Variants in CECR2 observed in about 807,000 individuals in gnomAD.
The protein encoded by CECR2 is chromatin remodeling regulator CECR2.
In CECR2, 30 loss-of-function variants were observed where a neutral mutation model predicts 154.5. The ratio of observed to expected loss-of-function variants is 0.19; its 90% confidence interval spans 0.15 to 0.26. The LOEUF (loss-of-function observed/expected upper bound fraction) is 0.26. Among genes scored for constraint, CECR2 ranks in the 10% least tolerant of loss-of-function variants. The pLI is 1.00. For synonymous variants in CECR2, 725 were observed against 683.7 expected (o/e 1.06, Z -0.94); for missense variants, 1,743 against 1,829.3 (o/e 0.95, Z 0.86).
chr22:17,482,841 T>G (rs1420710694), intron 2 of CECR2, among the ~76,000 whole-genome samples: 1 of 150,036 alleles, frequency 6.7e-6, no homozygotes, highest in Non-Finnish European at 1.5e-5. Context: ...CCACCACACC[T>G]TGCTACTTTT....
chr22:17,450,935 C>T (rs1406839491), intron 1 of CECR2, among the ~76,000 whole-genome samples: 1 of 152,240 alleles, frequency 6.6e-6, no homozygotes, highest in African/African-American at 2.4e-5. Flanking sequence ...TATTACAGTT[C>T]TCTACTCACT....
intron 1 of CECR2, among the ~76,000 whole-genome samples, chr22:17,429,809 G>A (rs192368226): frequency 5.3e-5 from 8 of 152,282 alleles, no homozygotes; most frequent in Admixed American, 3.9e-4. Flanking sequence ...GAGCTTGATT[G>A]CATGAGCCTC....
rs766735895 is a variant in CECR2, at chr22:17,469,621, C to A, written c.127-7967C>A. ...TTTTTTTTTTTTTTCCAGTAAGAAT[C>A]CAGTTCTCTTTTCTTCATTATAATC... On this transcript the variant is annotated intron_variant, in intron 1 of 18. Transcript: ENST00000262608. Among the ~76,000 whole-genome samples the A allele has an allele frequency of 6.3e-5, 9 of 143,548 alleles. 1 individual carries two copies. Among genetic ancestry groups the A allele is most frequent in the South Asian group, 2.3e-4 (1 of 4,348 alleles). The allele number at this position is 143,548 out of a possible 152,430, so 94.2% of individuals were successfully genotyped here. A position where few individuals can be genotyped will look rare whatever the true frequency, so the allele number is the denominator to read the frequency against.
chr22:17,497,283 C>T lies in CECR2; in HGVS notation c.222-120C>T, dbSNP rs574625723. 8 of 964,032 alleles carry T rather than the reference C, an allele frequency of 8.3e-6. No homozygotes were observed. In the African/African-American group the frequency reaches 9.9e-5, roughly 12 times the overall value. The allele number at this position is 964,032 out of a possible 1,614,324, so 59.7% of individuals were successfully genotyped here. Reference sequence around the variant, plus strand: ...CTAGCCTGGATGACAGAGCGAGACCCTGTCTGTATAAAAACAAAAATCTGT... The same window carrying T: ...CTAGCCTGGATGACAGAGCGAGACCTTGTCTGTATAAAAACAAAAATCTGT... On this transcript the variant is annotated intron_variant, in intron 2 of 18. Transcript: ENST00000262608.
intron 2 of CECR2, among the ~76,000 whole-genome samples, chr22:17,480,910 C>T (rs1220513340): frequency 6.7e-6 from 1 of 150,274 alleles, no homozygotes; most frequent in Non-Finnish European, 1.5e-5. Context: ...CGTGGTGGTG[C>T]ACGCCTGTAG....
chr22:17,401,420 G>C (rs920535097), intron 1 of CECR2, among the ~76,000 whole-genome samples: 1 of 152,112 alleles, frequency 6.6e-6, no homozygotes, highest in Non-Finnish European at 1.5e-5. Flanking sequence ...GTCCGCCAAC[G>C]CCACGCGAGG....
rs111700209 is a variant in CECR2, at chr22:17,361,747, T to TA, written c.-364+1738dup. Reference sequence around the variant, plus strand: ...AAAAGAGCAAGACTCTATCTCAAATTAAAAAAAAAAAAAAGAGAGAGAGAG... The same window carrying TA: ...AAAAGAGCAAGACTCTATCTCAAATTAAAAAAAAAAAAAAAGAGAGAGAGAG... On this transcript the variant is annotated intron_variant, in intron 1 of 18. Transcript: ENST00000400585. Among the ~76,000 whole-genome samples the TA allele has an allele frequency of 1.1e-3, 147 of 136,622 alleles. 1 individual carries two copies. Among genetic ancestry groups the TA allele is most frequent in the Admixed American group, 1.6e-3 (21 of 13,536 alleles). 89.6% of individuals were successfully genotyped at this position (136,622 alleles called of 152,430 possible).
intron 1 of CECR2, among the ~76,000 whole-genome samples, chr22:17,383,188 G>A (rs1471975647): frequency 1.3e-5 from 2 of 152,112 alleles, no homozygotes; most frequent in African/African-American, 4.8e-5. Context: ...TCATGTCACT[G>A]CACTCTAGCC....
chr22:17,467,201 T>C (rs998400665), intron 1 of CECR2, among the ~76,000 whole-genome samples: 21 of 152,240 alleles, frequency 1.4e-4, no homozygotes, highest in Non-Finnish European at 5.9e-5. Context: ...TTCACTCATA[T>C]TTCATTGACC....
Position 17,542,410 on chromosome 22 carries a change from C to G in CECR2, c.2267C>G (p.Pro756Arg). 1 of 1,613,882 alleles carries G rather than the reference C, an allele frequency of 6.2e-7. No homozygotes were observed. The highest frequency in any genetic ancestry group is 8.5e-7 in the Non-Finnish European group (1 of 1,179,876). ...TTTCCTGAAAGCTCAGAAATTCCTC[C>G]CAGCCATATGTATCGATCGTACAAG... ...PDFPESSEIP[P>R]SHMYRSYKYL... is the part of the protein sequence containing the mutation. The change falls in exon 16 of 19, where the codon CCC becomes CGC. Residue 756 changes from proline (P) to arginine (R), a missense_variant. By Grantham distance (103) the Pro-to-Arg change is moderately radical. Transcript: ENST00000262608.
Position 17,402,295 on chromosome 22 carries a change from C to A in CECR2, c.126+32386C>A, listed in dbSNP as rs1360717705. On this transcript the variant is annotated intron_variant, in intron 1 of 18. Coordinates refer to ENST00000262608, the MANE Select transcript of CECR2 (RefSeq NM_001290047.2). ...CCACTGTGCCTGGCCAACATTTTAA[C>A]TTTTTAAAAAAATAAATTTACTTTA... Among the ~76,000 whole-genome samples, 192 of 152,166 alleles carry A rather than the reference C, an allele frequency of 1.3e-3. No individual in the cohort carries two copies. The East Asian group carries it at 0.03, about 24-fold the overall frequency.
At position 17,413,762 on chromosome 22, in the gene CECR2, C is replaced by T. The variant is rs149999504; in HGVS notation, c.126+43853C>T. 2.8e-3 allele frequency among the ~76,000 whole-genome samples: 427 copies of T among 151,682 alleles called. 4 individuals carry two copies. Among genetic ancestry groups the T allele is most frequent in the African/African-American group, 9.6e-3 (395 of 41,328 alleles). On this transcript the variant is annotated intron_variant, in intron 1 of 18. Transcript: ENST00000262608. ...CGCGATCTCAGCTCACTGCAAGCTC[C>T]GCCTCCCATGTTCACGCCATTCTCC...
intron 1 of CECR2, among the ~76,000 whole-genome samples, chr22:17,379,920 T>A (rs2063166970): frequency 6.6e-6 from 1 of 152,216 alleles, no homozygotes; most frequent in African/African-American, 2.4e-5. Context: ...ACATTATCTG[T>A]GGCTTTTGAA....
intron 1 of CECR2, among the ~76,000 whole-genome samples, chr22:17,468,079 A>G (rs1030696594): frequency 1.3e-5 from 2 of 152,118 alleles, no homozygotes; most frequent in Admixed American, 6.5e-5. Context: ...TGTTTTTGCT[A>G]TGGAGGTACT....
At chr22:17,421,468 A>G (rs2054247264) in intron 1 of CECR2, among the ~76,000 whole-genome samples, 1 of 151,906 alleles carries the variant, frequency 6.6e-6, no homozygotes, top group Non-Finnish European at 1.5e-5. Flanking sequence ...ACAAAAAATT[A>G]GTCGGGTGTA....
rs573540111 is a variant in CECR2, at chr22:17,557,991, T to C, written c.*5151T>C. 1 of 152,380 alleles carries C rather than the reference T, an allele frequency of 6.6e-6. No homozygotes were observed. Among genetic ancestry groups the C allele is most frequent in the Admixed American group, 6.5e-5 (1 of 15,304 alleles). 9.4% of individuals were successfully genotyped at this position (152,380 alleles called of 1,614,324 possible). A position where few individuals can be genotyped will look rare whatever the true frequency, so the allele number is the denominator to read the frequency against. ...TTTGTCGTGGTCTGCTGATTCCCTGTTTCACTGAGAGCGACACTTACCTCA... is the reference window on the plus strand; with the variant it reads ...TTTGTCGTGGTCTGCTGATTCCCTGCTTCACTGAGAGCGACACTTACCTCA... On this transcript the variant is annotated 3_prime_UTR_variant, in exon 19 of 19. Transcript: ENST00000262608.
chr22:17,514,677 T>C (rs532364845), intron 8 of CECR2, among the ~76,000 whole-genome samples: 1 of 152,308 alleles, frequency 6.6e-6, no homozygotes, highest in East Asian at 1.9e-4. Flanking sequence ...TTAGTGGTGT[T>C]TTCATCAAGA....
rs58049784 is a variant in CECR2, at chr22:17,459,677, A to G, written c.127-17911A>G. On this transcript the variant is annotated intron_variant, in intron 1 of 18. Coordinates refer to ENST00000262608, the MANE Select transcript of CECR2 (RefSeq NM_001290047.2). ...AGAAAAAGAGAACAATGAAAGCCAC[A>G]TGCCAAAATTATTATAGTTGCTTCT... is the stretch of plus-strand genomic sequence containing the variant. 4.1e-3 allele frequency among the ~76,000 whole-genome samples: 625 copies of G among 152,322 alleles called. 4 individuals are homozygous for G. The highest frequency in any genetic ancestry group is 0.013 in the African/African-American group (534 of 41,558).
chr22:17,379,381 T>C (rs1459364195), intron 1 of CECR2, among the ~76,000 whole-genome samples: 2 of 152,178 alleles, frequency 1.3e-5, no homozygotes, highest in African/African-American at 4.8e-5. Flanking sequence ...ACAAAAGGCC[T>C]CCCTGAAGCA....
Sources: allele counts gnomAD v4.1 joint callset (sites outside exome capture counted in the v4.1 genomes callset), GRCh38; gene constraint gnomAD v4.1.1; transcripts MANE v1.5; gene names NCBI Gene and HGNC (gene_info 2026-07-23, HGNC 2026-07-21).